The following ATG10 variants were observed in gnomAD, a reference collection of about 807,000 sequenced individuals.
ATG10 encodes autophagy related 10.
Under a neutral mutation model 32.1 loss-of-function variants are expected in ATG10, and 30 were observed. The ratio of observed to expected loss-of-function variants is 0.94; its 90% CI spans 0.70 to 1.27. The LOEUF (loss-of-function observed/expected upper bound fraction) is 1.27. Among genes scored for constraint, ATG10 ranks in the 50% most tolerant of loss-of-function variants. The probability of loss-of-function intolerance (pLI) is 0.00; values close to 1 mark genes in which losing one functional copy is unlikely to be tolerated. For missense variants in ATG10, 233 were observed against 262.3 expected (o/e 0.89, Z 0.77); for synonymous variants, 87 against 91.5 (o/e 0.95, Z 0.28).
chr5:82,039,937 A>G (rs1251079326), intron 2 of ATG10, among the ~76,000 whole-genome samples: 1 of 152,170 alleles, frequency 6.6e-6, no homozygotes, highest in African/African-American at 2.4e-5. Flanking sequence ...AGGGCCTAAG[A>G]TGGCTTCACT....
intron 3 of ATG10, among the ~76,000 whole-genome samples, chr5:82,105,555 A>G (rs116616720): frequency 0.019 from 2,869 of 152,306 alleles, 33 homozygotes; most frequent in African/African-American, 0.036. Context: ...TTGAAATTCC[A>G]AAAACAAATC....
chr5:82,103,579 G>C (rs1765349702), intron 3 of ATG10, among the ~76,000 whole-genome samples: 1 of 151,890 alleles, frequency 6.6e-6, no homozygotes, highest in South Asian at 2.1e-4. Context: ...TGCCCCCAGG[G>C]ACTTAAGAAA....
intron 2 of ATG10, among the ~76,000 whole-genome samples, chr5:82,040,011 G>A (rs1381622117): frequency 6.6e-6 from 1 of 152,142 alleles, no homozygotes; most frequent in South Asian, 2.1e-4. Context: ...GGGTCGTGGG[G>A]CCTGTTTATG....
At chr5:82,220,215 C>T (rs1410220825) in intron 5 of ATG10, among the ~76,000 whole-genome samples, 1 of 151,766 alleles carries the variant, frequency 6.6e-6, no homozygotes, top group Non-Finnish European at 1.5e-5. Flanking sequence ...ATGCTGGTGG[C>T]TGGGAGCATG....
intron 2 of ATG10, among the ~76,000 whole-genome samples, chr5:81,993,399 T>C (rs1200242111): frequency 2.3e-5 from 3 of 130,556 alleles, no homozygotes; most frequent in African/African-American, 9.5e-5. Context: ...TTTTTTTTTC[T>C]TTTCTTTTCT....
chr5:82,249,863 G>T (rs1350522465), intron 5 of ATG10, among the ~76,000 whole-genome samples: 1 of 152,104 alleles, frequency 6.6e-6, no homozygotes, highest in Non-Finnish European at 1.5e-5. Context: ...TAAGAAAATG[G>T]TCCCCTGAAC....
At position 81,986,919 on chromosome 5, in the gene ATG10, T is replaced by C. The variant is rs573047440; in HGVS notation, c.-12-640T>C. Among the ~76,000 whole-genome samples, 175 of 152,096 alleles carry C rather than the reference T, an allele frequency of 1.2e-3. 2 individuals carry two copies. The highest frequency in any genetic ancestry group is 2.3e-3 in the Admixed American group (35 of 15,284). ...ATTAGCCAGCGTGGTGGCTTGCAAC[T>C]GTAATCCCCGCTCCTCGAGAGGCTG... is the stretch of plus-strand genomic sequence containing the variant. On this transcript the variant is annotated intron_variant, in intron 1 of 7. Transcript: ENST00000282185.
At chr5:82,247,802 G>A (rs199934878) in intron 5 of ATG10, among the ~76,000 whole-genome samples, 1 of 152,054 alleles carries the variant, frequency 6.6e-6, no homozygotes, top group East Asian at 1.9e-4. Context: ...TCTTGTTGTT[G>A]CTGTTGTTTT....
intron 3 of ATG10, among the ~76,000 whole-genome samples, chr5:82,079,718 G>C (rs12697707): frequency 0.47 from 71,474 of 151,898 alleles, 17,833 homozygotes; most frequent in East Asian, 0.79. Context: ...TGGCTGCATA[G>C]TAATCCATGG....
chr5:82,055,337 A>G (rs911478645), intron 2 of ATG10, among the ~76,000 whole-genome samples: 1 of 152,134 alleles, frequency 6.6e-6, no homozygotes, highest in Non-Finnish European at 1.5e-5. Context: ...CCTAAAATGT[A>G]AGTAAATTCC....
At chr5:82,147,398 G>C (rs1430387162) in intron 3 of ATG10, 1 of 152,618 alleles carries the variant, frequency 6.6e-6, no homozygotes, top group Non-Finnish European at 1.5e-5. Context: ...TTGAACTCCT[G>C]ACATCAAGTA....
At chr5:82,228,218 A>G (rs954352850) in intron 5 of ATG10, among the ~76,000 whole-genome samples, 1 of 152,160 alleles carries the variant, frequency 6.6e-6, no homozygotes, top group African/African-American at 2.4e-5. Context: ...AAAAAAAAAA[A>G]AAAGTATGTA....
Position 81,987,603 on chromosome 5 carries a change from A to G in ATG10, c.33A>G (p.Thr11=). 1.2e-6 allele frequency: 2 copies of G among 1,612,638 alleles called. No individual in the cohort carries two copies. The highest frequency in any genetic ancestry group is 1.7e-4 in the Middle Eastern group (1 of 6,054). The part of the protein sequence containing the change: MEEDEFIGEK[T]FQRYCAEFIK... ...AAGATGAGTTCATTGGAGAAAAAAC[A>G]TTCCAACGTTATTGTGCAGAATTCA... The change falls in exon 2 of 8, where the codon ACA becomes ACG. Residue 11 remains threonine, a synonymous_variant. Coordinates refer to ENST00000282185, the MANE Select transcript of ATG10 (RefSeq NM_031482.5).
intron 3 of ATG10, among the ~76,000 whole-genome samples, chr5:82,118,397 T>TAG (rs1194050001): frequency 8.2e-6 from 1 of 121,320 alleles, no homozygotes; most frequent in Non-Finnish European, 1.8e-5. Context: ...CATATATATA[T>TAG]ATATATATGT....
chr5:82,079,232 A>G (rs1375881063), intron 3 of ATG10, among the ~76,000 whole-genome samples: 2 of 152,150 alleles, frequency 1.3e-5, no homozygotes, highest in Non-Finnish European at 2.9e-5. Flanking sequence ...ACTAGGAAGG[A>G]AAAGAGGTTT....
At chr5:82,009,816 G>A (rs527274651) in intron 2 of ATG10, 7 of 1,606,192 alleles carry the variant, frequency 4.4e-6, no homozygotes, top group Non-Finnish European at 8.5e-7. Flanking sequence ...GCCAGGACCT[G>A]TATGCTTTAG....
intron 3 of ATG10, among the ~76,000 whole-genome samples, chr5:82,096,236 T>G (rs1765059186): frequency 1.3e-5 from 2 of 152,352 alleles, no homozygotes; most frequent in South Asian, 4.1e-4. Flanking sequence ...CTCACACATC[T>G]ATTTCTAAGA....
intron 2 of ATG10, among the ~76,000 whole-genome samples, chr5:82,043,394 C>CG: frequency 6.6e-6 from 1 of 152,320 alleles, no homozygotes; most frequent in East Asian, 1.9e-4. Context: ...TGTCATGGGA[C>CG]GGGCTGCCCT....
chr5:81,975,926 G>T (rs1760860310), intron 1 of ATG10, among the ~76,000 whole-genome samples: 1 of 151,640 alleles, frequency 6.6e-6, no homozygotes. Context: ...AGCTTGAATA[G>T]AAAGATGTGA....
Sources: allele counts gnomAD v4.1 joint callset (sites outside exome capture counted in the v4.1 genomes callset), GRCh38; gene constraint gnomAD v4.1.1; transcripts MANE v1.5; gene names NCBI Gene and HGNC (gene_info 2026-07-23, HGNC 2026-07-21).